The following UGT1A6 variants were observed in gnomAD, a reference collection of about 807,000 sequenced individuals.
UGT1A6 encodes UDP glucuronosyltransferase family 1 member A6.
Under a neutral mutation model 44.4 loss-of-function variants are expected in UGT1A6, and 32 were observed. The ratio of observed to expected loss-of-function variants is 0.72; its 90% confidence interval spans 0.54 to 0.97. The LOEUF (loss-of-function observed/expected upper bound fraction) is 0.97, where lower values mean the gene tolerates loss of function less well. Among genes scored for constraint, UGT1A6 ranks in the 50% least tolerant of loss-of-function variants. The pLI, the probability that UGT1A6 is intolerant of heterozygous loss-of-function variation, is 0.00. For synonymous variants in UGT1A6, 238 were observed against 248.5 expected, an observed-to-expected ratio of 0.96 and a Z score of 0.40; for missense variants, 685 against 661.9, an observed-to-expected ratio of 1.03 and a Z score of -0.38.
intron 1 of UGT1A6, among the ~76,000 whole-genome samples, chr2:233,731,421 G>A (rs1039281599): frequency 6.6e-6 from 1 of 151,738 alleles, no homozygotes; most frequent in Non-Finnish European, 1.5e-5. Flanking sequence ...TTTTCCTAAT[G>A]CCATCCCTCC....
chr2:233,772,112 C>A, intron 4 of UGT1A6, 150 bp from the exon 5 acceptor site: 1 of 1,527,992 alleles, frequency 6.5e-7, no homozygotes, highest in South Asian at 1.2e-5. Context: ...GACTCTGTAT[C>A]TAAAAACAAC....
intron 1 of UGT1A6, among the ~76,000 whole-genome samples, chr2:233,751,045 G>GA (rs1443230816): frequency 1.3e-5 from 2 of 152,004 alleles, no homozygotes; most frequent in East Asian, 3.9e-4. Flanking sequence ...TGTGTGCCTG[G>GA]AAAAGACACA....
intron 1 of UGT1A6, chr2:233,741,006 G>T (rs1691538713): frequency 6.6e-6 from 1 of 151,750 alleles, no homozygotes; most frequent in Admixed American, 6.6e-5. Context: ...AGGATCACTT[G>T]AGCCCAGGAA....
rs2075952118 is a variant in UGT1A6 at position 233,707,254 on chromosome 2, T to C, written c.861+13389T>C. Among the ~76,000 whole-genome samples, 5 of 152,178 alleles carry C rather than the reference T, an allele frequency of 3.3e-5. No individual in the cohort carries two copies. In the South Asian group the frequency reaches 1.0e-3, roughly 32 times the overall value. On this transcript the variant is annotated intron_variant, in intron 1 of 4. Coordinates refer to ENST00000305139, the MANE Select transcript of UGT1A6 (RefSeq NM_001072.4). The stretch of plus-strand genomic sequence containing the variant: ...ATGATTATTTCTCTTGTGTTTTTCT[T>C]CATCAGCATTTATTTTAAGTTCCAG...
At chr2:233,750,454 C>A (rs1301530948) in intron 1 of UGT1A6, among the ~76,000 whole-genome samples, 2 of 151,940 alleles carry the variant, frequency 1.3e-5, no homozygotes, top group Non-Finnish European at 2.9e-5. Flanking sequence ...TTCAAACCAG[C>A]TACAGAAATA....
chr2:233,771,578 C>T (rs531656313), intron 4 of UGT1A6: 100 of 152,372 alleles, frequency 6.6e-4, no homozygotes, highest in African/African-American at 2.3e-3. Flanking sequence ...TGGTTGTTTA[C>T]AACTTCAAAT....
At chr2:233,765,957 T>C (rs1248795427) in intron 1 of UGT1A6, among the ~76,000 whole-genome samples, 3 of 151,920 alleles carry the variant, frequency 2.0e-5, no homozygotes, top group Non-Finnish European at 2.9e-5. Flanking sequence ...TCACCGGCAG[T>C]GTCTAGAGGT....
chr2:233,757,296 G>T (rs1428870685), intron 1 of UGT1A6, among the ~76,000 whole-genome samples: 51 of 129,586 alleles, frequency 3.9e-4, no homozygotes, highest in African/African-American at 1.4e-3. Flanking sequence ...ACAGCTGGGG[G>T]TTGGGGGACA....
intron 1 of UGT1A6, among the ~76,000 whole-genome samples, chr2:233,698,748 A>G (rs12988520): frequency 6.6e-6 from 1 of 152,100 alleles, no homozygotes; most frequent in South Asian, 2.1e-4. Flanking sequence ...TTTTTACATA[A>G]TGCTATGATT....
intron 1 of UGT1A6, among the ~76,000 whole-genome samples, chr2:233,717,104 T>G (rs535870475): frequency 2.6e-5 from 4 of 152,074 alleles, no homozygotes; most frequent in Non-Finnish European, 5.9e-5. Context: ...ACTATCTAAA[T>G]AAAACACCAC....
chr2:233,727,623 G>T (rs2077633696), intron 1 of UGT1A6, among the ~76,000 whole-genome samples: 1 of 152,148 alleles, frequency 6.6e-6, no homozygotes. Flanking sequence ...AGGCTGAGAG[G>T]TTGCACCCAC....
chr2:233,744,064 T>G, intron 1 of UGT1A6: 1 of 560,044 alleles, frequency 1.8e-6, no homozygotes, highest in Non-Finnish European at 2.7e-6. Context: ...TCGAGGCCTA[T>G]GAGCGCCTCG....
At chr2:233,716,406 A>T (rs2076503195) in intron 1 of UGT1A6, among the ~76,000 whole-genome samples, 1 of 152,042 alleles carries the variant, frequency 6.6e-6, no homozygotes, top group African/African-American at 2.4e-5. Flanking sequence ...TTAAAGTGAA[A>T]CCCACATCTT....
intron 1 of UGT1A6, chr2:233,743,191 C>T (rs1334858681): frequency 2.7e-6 from 1 of 376,140 alleles, no homozygotes; most frequent in East Asian, 7.3e-5. Flanking sequence ...ACTGGAATTA[C>T]TTGGTGTCAA....
chr2:233,753,588 C>T (rs1263475788), intron 1 of UGT1A6: 2 of 152,166 alleles, frequency 1.3e-5, no homozygotes, highest in African/African-American at 4.8e-5. Flanking sequence ...TGGACTACCC[C>T]AAGGCAATAT....
At chr2:233,768,043 A>G in intron 3 of UGT1A6, 107 bp downstream of exon 3, 1 of 1,608,218 alleles carries the variant, frequency 6.2e-7, no homozygotes, top group Non-Finnish European at 8.5e-7. Flanking sequence ...ATTATGGCCA[A>G]CATATCCTAC....
intron 1 of UGT1A6, among the ~76,000 whole-genome samples, chr2:233,735,310 TA>T (rs978223857): frequency 8.5e-5 from 13 of 152,318 alleles, no homozygotes; most frequent in African/African-American, 2.2e-4. Flanking sequence ...AAGTCTGTTT[TA>T]TCAGAGACTA....
intron 1 of UGT1A6, chr2:233,713,022 C>T (rs759060249): frequency 2.5e-6 from 4 of 1,613,644 alleles, no homozygotes; most frequent in East Asian, 2.2e-5. Context: ...TCCCCTGCCG[C>T]AGCTGGCCAC....
chr2:233,724,687 C>A (rs1436694344), intron 1 of UGT1A6, among the ~76,000 whole-genome samples: 2 of 144,326 alleles, frequency 1.4e-5, no homozygotes, highest in African/African-American at 2.6e-5. Context: ...GGATGGCGGC[C>A]GGGTGAAGAC....
Sources: allele counts gnomAD v4.1 joint callset (sites outside exome capture counted in the v4.1 genomes callset), GRCh38; gene constraint gnomAD v4.1.1; transcripts MANE v1.5; gene names NCBI Gene and HGNC (gene_info 2026-07-23, HGNC 2026-07-21).